The following RORA variants were observed in gnomAD, a reference collection of about 807,000 sequenced individuals.
RORA encodes the protein RAR related orphan receptor A.
RORA carries 7 observed loss-of-function variants against 69.5 expected under a neutral mutation model. The observed-to-expected ratio is 0.10, with a 90% CI of 0.06 to 0.19. The LOEUF (loss-of-function observed/expected upper bound fraction) is 0.19. Among genes scored for constraint, RORA ranks in the 10% least tolerant of loss-of-function variants. The pLI is 1.00. For missense variants in RORA, 457 were observed against 663.0 expected, an observed-to-expected ratio of 0.69 and a Z score of 3.41; for synonymous variants, 261 against 240.8, an observed-to-expected ratio of 1.08 and a Z score of -0.78.
Position 60,875,488 on chromosome 15 carries a change from C to T in RORA, c.167-196802G>A, listed in dbSNP as rs145609863. Among the ~76,000 whole-genome samples the T allele has an allele frequency of 2.9e-3, 449 of 152,260 alleles. 2 individuals are homozygous for T. Among genetic ancestry groups the T allele is most frequent in the African/African-American group, 0.01 (430 of 41,552 alleles). ...ACTCAGGATCTCGTCTGATCACTTGCTGTCCTTCCTGGATCTCGGTAAATC... is the reference window on the plus strand; with the variant it reads ...ACTCAGGATCTCGTCTGATCACTTGTTGTCCTTCCTGGATCTCGGTAAATC... On this transcript the variant is annotated intron_variant, in intron 1 of 10. Coordinates refer to ENST00000335670, the MANE Select transcript of RORA (RefSeq NM_134261.3).
intron 1 of RORA, among the ~76,000 whole-genome samples, chr15:61,011,430 T>C (rs768875578): frequency 6.6e-6 from 1 of 152,214 alleles, no homozygotes; most frequent in Non-Finnish European, 1.5e-5. Context: ...GTTTTGCTTT[T>C]GTTGTTTGAT....
chr15:60,652,787 T>C (rs1692313801), intron 2 of RORA, among the ~76,000 whole-genome samples: 1 of 152,194 alleles, frequency 6.6e-6, no homozygotes, highest in African/African-American at 2.4e-5. Context: ...ACAAACCACA[T>C]GGCCGTAAGT....
chr15:60,666,473 C>A (rs2097847640), intron 2 of RORA, among the ~76,000 whole-genome samples: 1 of 151,572 alleles, frequency 6.6e-6, no homozygotes, highest in Non-Finnish European at 1.5e-5. Context: ...GCATGAGCCA[C>A]CACACCCGGC....
In RORA at chr15:60,821,114, A is replaced by C. The variant is rs530515866; in HGVS notation, c.167-142428T>G. 1.9e-4 allele frequency among the ~76,000 whole-genome samples: 29 copies of C among 152,320 alleles called. 1 individual carries two copies. The highest frequency in any genetic ancestry group is 5.1e-4 in the African/African-American group (21 of 41,566). On this transcript the variant is annotated intron_variant, in intron 1 of 10. Coordinates refer to ENST00000335670, the MANE Select transcript of RORA (RefSeq NM_134261.3). ...GCTGTAGGGCCTAGGACCTTGGCCA[A>C]CATTGGCTCCTTCCACCAGGTAACA...
At chr15:60,953,802 G>A (rs1411993675) in intron 1 of RORA, among the ~76,000 whole-genome samples, 3 of 151,472 alleles carry the variant, frequency 2.0e-5, no homozygotes, top group African/African-American at 7.3e-5. Context: ...ACAGGTGCTG[G>A]AGAGGATGTG....
rs143286492 is a variant in RORA, at chr15:60,629,256, G to A, written c.196+49401C>T. ...GGCTGGAGTGCAGTGGTGTGATCTCGGCTCACTGCAACCTCCGCCTCCTGG... is the reference window on the plus strand; with the variant it reads ...GGCTGGAGTGCAGTGGTGTGATCTCAGCTCACTGCAACCTCCGCCTCCTGG... On this transcript the variant is annotated intron_variant, in intron 2 of 10. Transcript: ENST00000335670. 9.7e-3 allele frequency among the ~76,000 whole-genome samples: 1,271 copies of A among 131,672 alleles called. 19 individuals are homozygous for A. Among genetic ancestry groups the A allele is most frequent in the African/African-American group, 0.035 (1,217 of 34,496 alleles). The allele number at this position is 131,672 out of a possible 152,430, so 86.4% of individuals were successfully genotyped here.
At chr15:61,066,763 G>T (rs1330132029) in intron 1 of RORA, among the ~76,000 whole-genome samples, 1 of 150,046 alleles carries the variant, frequency 6.7e-6, no homozygotes, top group Non-Finnish European at 1.5e-5. Context: ...ACCCTTTCAA[G>T]AAGTTCCAGC....
intron 1 of RORA, among the ~76,000 whole-genome samples, chr15:60,798,566 A>G (rs1318716349): frequency 6.6e-6 from 1 of 151,940 alleles, no homozygotes; most frequent in Non-Finnish European, 1.5e-5. Flanking sequence ...ATTCACCACC[A>G]GAGTGGGAAG....
chr15:60,565,893 C>T (rs1224774414), intron 2 of RORA, among the ~76,000 whole-genome samples: 4 of 152,192 alleles, frequency 2.6e-5, no homozygotes, highest in African/African-American at 9.7e-5. Flanking sequence ...TCACTCACCT[C>T]CTGGCTTGAA....
chr15:60,576,871 G>A (rs1408627234), intron 2 of RORA, among the ~76,000 whole-genome samples: 4 of 152,184 alleles, frequency 2.6e-5, no homozygotes, highest in African/African-American at 4.8e-5. Context: ...GGATAGCTCT[G>A]GAAGTGGTAC....
rs116249944 is a variant in RORA, at chr15:61,053,453, G to A, written c.166+175600C>T. 6.3e-3 allele frequency among the ~76,000 whole-genome samples: 961 copies of A among 152,178 alleles called. 12 individuals are homozygous for A. The highest frequency in any genetic ancestry group is 0.021 in the African/African-American group (888 of 41,516). On this transcript the variant is annotated intron_variant, in intron 1 of 10. Transcript: ENST00000335670. ...CCCCTTGGGCAGCAGAGAAAGCTCA[G>A]CGAGAAGGCACGGGGTTGTGAATAC...
At chr15:60,590,788 A>G (rs146636737) in intron 2 of RORA, among the ~76,000 whole-genome samples, 112 of 152,328 alleles carry the variant, frequency 7.4e-4, no homozygotes, top group African/African-American at 2.7e-3. Context: ...AGTGCTTAAG[A>G]GCGCGGATCA....
intron 1 of RORA, among the ~76,000 whole-genome samples, chr15:61,063,171 T>G (rs2078210678): frequency 6.6e-6 from 1 of 152,226 alleles, no homozygotes; most frequent in Non-Finnish European, 1.5e-5. Flanking sequence ...TAGCCTTCCC[T>G]TGGAGACTCA....
rs556419567 is a variant in RORA at position 61,116,668 on chromosome 15, C to T, written c.166+112385G>A. On this transcript the variant is annotated intron_variant, in intron 1 of 10. Transcript: ENST00000335670. ...AAGAAGCAAAGACTGAAAACATTGACGAGCTTTCCTCAGGCTCTGAGAGAG... is the reference window on the plus strand; with the variant it reads ...AAGAAGCAAAGACTGAAAACATTGATGAGCTTTCCTCAGGCTCTGAGAGAG... Among the ~76,000 whole-genome samples, 8 of 152,296 alleles carry T rather than the reference C, an allele frequency of 5.3e-5. 1 individual carries two copies. The highest frequency in any genetic ancestry group is 1.9e-4 in the East Asian group (1 of 5,180).
rs1394771843 is a variant in RORA at position 60,641,125 on chromosome 15, G to A, written c.196+37532C>T. Among the ~76,000 whole-genome samples the A allele has an allele frequency of 2.0e-5, 3 of 152,098 alleles. No individual in the cohort carries two copies. The East Asian group carries it at 5.8e-4, about 29-fold the overall frequency. Reference sequence around the variant, plus strand: ...TACAACCATGCCCAGCTAATTTTTTGTATTTTTGTAGAGATGGGGTCTCGC... The same window carrying A: ...TACAACCATGCCCAGCTAATTTTTTATATTTTTGTAGAGATGGGGTCTCGC... On this transcript the variant is annotated intron_variant, in intron 2 of 10. Coordinates refer to ENST00000335670, the MANE Select transcript of RORA (RefSeq NM_134261.3).
At chr15:60,997,277 G>A (rs140430896) in intron 1 of RORA, among the ~76,000 whole-genome samples, 72 of 152,236 alleles carry the variant, frequency 4.7e-4, no homozygotes, top group African/African-American at 1.6e-3. Context: ...AGGTGAAAAG[G>A]TATCGGATTT....
chr15:61,045,764 T>C (rs1371175536), intron 1 of RORA, among the ~76,000 whole-genome samples: 5 of 152,150 alleles, frequency 3.3e-5, no homozygotes, highest in Non-Finnish European at 5.9e-5. Flanking sequence ...CTGGCCTACA[T>C]CCCTACTCCC....
intron 1 of RORA, among the ~76,000 whole-genome samples, chr15:60,701,074 C>A (rs924459068): frequency 3.3e-5 from 5 of 152,206 alleles, no homozygotes; most frequent in African/African-American, 1.2e-4. Context: ...ACTTACCATT[C>A]TCTTGTTTAC....
At chr15:60,523,337 G>C (rs894002280) in intron 3 of RORA, among the ~76,000 whole-genome samples, 1 of 152,186 alleles carries the variant, frequency 6.6e-6, no homozygotes, top group Non-Finnish European at 1.5e-5. Context: ...CATGCAGATA[G>C]ATGTAGGAGT....
Sources: allele counts gnomAD v4.1 joint callset (sites outside exome capture counted in the v4.1 genomes callset), GRCh38; gene constraint gnomAD v4.1.1; transcripts MANE v1.5; gene names NCBI Gene and HGNC (gene_info 2026-07-23, HGNC 2026-07-21).